The following TMEM230 variants were observed in gnomAD, a reference collection of about 807,000 sequenced individuals.
TMEM230 encodes the protein UPF0414 transmembrane protein C20orf30.
TMEM230 carries 10 observed loss-of-function variants against 15.8 expected under a neutral mutation model. The observed-to-expected ratio is 0.63, with a 90% CI of 0.39 to 1.07. TMEM230 has a LOEUF of 1.07. Among genes scored for constraint, TMEM230 ranks in the 50% least tolerant of loss-of-function variants. The pLI is 0.01. For missense variants in TMEM230, 165 were observed against 193.3 expected, an observed-to-expected ratio of 0.85 and a Z score of 0.87; for synonymous variants, 67 against 76.9, an observed-to-expected ratio of 0.87 and a Z score of 0.68.
intron 3 of TMEM230, among the ~76,000 whole-genome samples, chr20:5,084,246 C>T (rs187561108): frequency 3.0e-4 from 43 of 145,414 alleles, no homozygotes; most frequent in African/African-American, 9.9e-4. Flanking sequence ...TTTTTTGAGA[C>T]GGAGTCTTGC....
intron 3 of TMEM230, 94 bp from the exon 3 acceptor site, chr20:5,106,404 T>TTTTG: frequency 5.6e-6 from 8 of 1,424,988 alleles, no homozygotes; most frequent in Non-Finnish European, 7.5e-6. Flanking sequence ...ATTTTTATGT[T>TTTTG]TTTGTTTGTT....
intron 3 of TMEM230, among the ~76,000 whole-genome samples, chr20:5,072,924 C>G (rs145751499): frequency 0.02 from 2,942 of 149,806 alleles, 39 homozygotes; most frequent in Non-Finnish European, 0.029. Context: ...GAAACAGGAG[C>G]CAAACAGCAC....
chr20:5,093,468 T>C (rs1011890745), intron 3 of TMEM230, among the ~76,000 whole-genome samples: 3 of 152,158 alleles, frequency 2.0e-5, no homozygotes, highest in Non-Finnish European at 4.4e-5. Context: ...CTTGAACTCC[T>C]GGGCTCACGC....
intron 3 of TMEM230, among the ~76,000 whole-genome samples, chr20:5,091,754 G>C (rs1255596587): frequency 1.3e-5 from 2 of 152,080 alleles, no homozygotes; most frequent in Admixed American, 1.3e-4. Context: ...GTCCGTAGTA[G>C]ATGCCCCCAA....
chr20:5,112,977 G>C lies in TMEM230; in HGVS notation c.52C>G (p.Pro18Ala), dbSNP rs1308599932. ...ACGCCTTACCGGAGCGCCGCGCCAG[G>C]CCGCCCGCACACCCAGAGCTCGCCC... The change falls in exon 1 of 5, where the codon CCT becomes GCT. Residue 18 changes from proline to alanine, a missense_variant. By Grantham distance (27) the Pro-to-Ala change is conservative. Coordinates refer to ENST00000342308, the MANE Select transcript of TMEM230 (RefSeq NM_001009923.2). 1 of 1,550,546 alleles carries C rather than the reference G, an allele frequency of 6.4e-7. No homozygotes were observed. The highest frequency in any genetic ancestry group is 2.0e-5 in the Admixed American group (1 of 51,100).
chr20:5,112,717 C>T lies in TMEM230; in HGVS notation c.68+244G>A, dbSNP rs915770892. Reference sequence around the variant, plus strand: ...TTGGCACACAGTGCCTGGCATTACGCGCCTCTACATACGTTATTCTCCTAC... The same window carrying T: ...TTGGCACACAGTGCCTGGCATTACGTGCCTCTACATACGTTATTCTCCTAC... On this transcript the variant is annotated intron_variant, in intron 1 of 4. Coordinates refer to ENST00000342308, the MANE Select transcript of TMEM230 (RefSeq NM_001009923.2). 25 of 1,427,794 alleles carry T rather than the reference C, an allele frequency of 1.8e-5. 1 individual carries two copies. The highest frequency in any genetic ancestry group is 1.8e-4 in the Middle Eastern group (1 of 5,424). 88.4% of individuals were successfully genotyped at this position (1,427,794 alleles called of 1,614,324 possible).
chr20:5,069,921 A>G (rs2088767960), intron 3 of TMEM230, among the ~76,000 whole-genome samples: 1 of 152,032 alleles, frequency 6.6e-6, no homozygotes, highest in African/African-American at 2.4e-5. Flanking sequence ...TGTTGGCCAG[A>G]CTGGTCTTGA....
chr20:5,112,970 G>T lies in TMEM230; in HGVS notation c.59C>A (p.Ala20Glu). 6.5e-7 allele frequency: 1 copy of T among 1,550,378 alleles called. No individual in the cohort carries two copies. The highest frequency in any genetic ancestry group is 8.7e-7 in the Non-Finnish European group (1 of 1,147,106). The change falls in exon 1 of 5, where the codon GCG becomes GAG. Residue 20 changes from alanine to glutamate, a missense_variant. By Grantham distance (107) the Ala-to-Glu change is moderately radical (BLOSUM62 -1). Transcript: ENST00000342308. ...CGCACACACGCCTTACCGGAGCGCC[G>T]CGCCAGGCCGCCCGCACACCCAGAG... is the stretch of plus-strand genomic sequence containing the variant.
chr20:5,071,083 C>T (rs1568478595), intron 3 of TMEM230, among the ~76,000 whole-genome samples: 1 of 152,144 alleles, frequency 6.6e-6, no homozygotes, highest in Non-Finnish European at 1.5e-5. Flanking sequence ...TCCGAGGGTA[C>T]TCAATACTCA....
rs756830658 is a variant in TMEM230 at position 5,112,980 on chromosome 20, G to T, written c.49C>A (p.Arg17=). The stretch of plus-strand genomic sequence containing the variant: ...CCTTACCGGAGCGCCGCGCCAGGCC[G>T]CCCGCACACCCAGAGCTCGCCCACG... Residue 17 remains arginine, a synonymous_variant, in exon 1 of 5, where the codon CGG becomes AGG. Coordinates refer to ENST00000342308, the MANE Select transcript of TMEM230 (RefSeq NM_001009923.2). The T allele has an allele frequency of 3.2e-6, 5 of 1,550,650 alleles. No homozygotes were observed. The highest frequency in any genetic ancestry group is 4.4e-6 in the Non-Finnish European group (5 of 1,147,326).
chr20:5,064,977 C>T (rs946234701), downstream of TMEM230, among the ~76,000 whole-genome samples: 3 of 151,896 alleles, frequency 2.0e-5, no homozygotes, highest in Admixed American at 6.6e-5. Flanking sequence ...TTGAGACCAG[C>T]CTGGGCCAAC....
Position 5,112,597 on chromosome 20 carries a change from C to T in TMEM230, c.68+364G>A, listed in dbSNP as rs911265899. ...AAACGAGCATTTTCAAAGTATCAGT[C>T]TTCGTTGCCAACAGGCTTTTTACCA... On this transcript the variant is annotated intron_variant, in intron 1 of 4. Transcript: ENST00000342308. 8.9e-5 allele frequency: 80 copies of T among 903,028 alleles called. No homozygotes were observed. The Admixed American group carries it at 1.1e-3, about 12-fold the overall frequency. The allele number at this position is 903,028 out of a possible 1,614,324, so 55.9% of individuals were successfully genotyped here. A position where few individuals can be genotyped will look rare whatever the true frequency, so the allele number is the denominator to read the frequency against.
downstream of TMEM230, among the ~76,000 whole-genome samples, chr20:5,097,538 C>A (rs1266711920): frequency 6.6e-6 from 1 of 152,226 alleles, no homozygotes; most frequent in Non-Finnish European, 1.5e-5. Context: ...CTTCTACTGT[C>A]CATACCCACC....
intron 4 of TMEM230, among the ~76,000 whole-genome samples, chr20:5,105,737 T>C (rs1428659992): frequency 6.6e-6 from 1 of 151,552 alleles, no homozygotes; most frequent in African/African-American, 2.4e-5. Flanking sequence ...TATGTACCCA[T>C]AAAAATTGGA....
At chr20:5,089,032 T>C (rs2089435946) in intron 3 of TMEM230, among the ~76,000 whole-genome samples, 2 of 152,228 alleles carry the variant, frequency 1.3e-5, no homozygotes, top group Non-Finnish European at 2.9e-5. Flanking sequence ...AAATAAAAAC[T>C]GATTGCTGTA....
chr20:5,089,118 C>T (rs6053100), intron 3 of TMEM230, among the ~76,000 whole-genome samples: 82,702 of 151,998 alleles, frequency 0.54, 23,016 homozygotes, highest in East Asian at 0.84. Context: ...CTCACGCCTG[C>T]AATCCCAGCA....
downstream of TMEM230, among the ~76,000 whole-genome samples, chr20:5,063,277 ATTTTTTTTTTTTTT>A (rs1165126313): frequency 1.2e-5 from 1 of 86,390 alleles, no homozygotes; most frequent in African/African-American, 5.6e-5. Flanking sequence ...GCTGCTATGA[ATTTTTTTTTTTTTT>A]TTTTTTTTTT....
the TMEM230 span, among the ~76,000 whole-genome samples, chr20:5,062,197 A>G: frequency 2.6e-5 from 4 of 151,252 alleles, no homozygotes. Flanking sequence ...ACCCCAGCCT[A>G]GGCAACAAAA....
At chr20:5,084,655 T>C (rs2089284150) in intron 3 of TMEM230, among the ~76,000 whole-genome samples, 2 of 151,958 alleles carry the variant, frequency 1.3e-5, no homozygotes, top group African/African-American at 4.8e-5. Context: ...TCCCTCAGCC[T>C]CCTGAGTAGC....
Sources: gnomAD v4.1 joint callset for allele counts (sites outside exome capture counted in the v4.1 genomes callset) on GRCh38, gnomAD v4.1.1 for gene constraint, MANE v1.5 for transcripts, NCBI Gene and HGNC (gene_info 2026-07-23, HGNC 2026-07-21) for gene names.